The following ITPRID1 variants were observed in gnomAD, a reference collection of about 807,000 sequenced individuals.
ITPRID1 encodes ITPR interacting domain containing 1.
ITPRID1 carries 96 observed loss-of-function variants against 95.4 expected under a neutral mutation model. The observed-to-expected ratio is 1.01, with a 90% CI of 0.85 to 1.19. The LOEUF (loss-of-function observed/expected upper bound fraction) is 1.19, where lower values mean the gene tolerates loss of function less well. Ranked by LOEUF, ITPRID1 falls within the 50% of genes most tolerant of loss-of-function variation. The pLI is 0.00. For missense variants in ITPRID1, 1,339 were observed against 1,252.9 expected (o/e 1.07, Z -1.04); for synonymous variants, 510 against 453.6 (o/e 1.12, Z -1.58).
chr7:31,574,606 T>A lies in ITPRID1; in HGVS notation c.462T>A (p.Gly154=). 1 of 1,613,980 alleles carries A rather than the reference T, an allele frequency of 6.2e-7. No homozygotes were observed. The highest frequency in any genetic ancestry group is 8.5e-7 in the Non-Finnish European group (1 of 1,179,846). The change falls in exon 8 of 15, where the codon GGT becomes GGA. Residue 154 remains glycine, a synonymous_variant. Coordinates refer to ENST00000615280, the MANE Select transcript of ITPRID1 (RefSeq NM_001257967.3). ...PVEILLDLGF[G]ADEPDICMQI... ...AGATTCTCTTGGATCTGGGGTTTGG[T>A]GCTGATGAGCCAGACATCTGCATGC...
chr7:31,602,210 G>A (rs1046174174), intron 10 of ITPRID1, among the ~76,000 whole-genome samples: 1 of 152,200 alleles, frequency 6.6e-6, no homozygotes, highest in African/African-American at 2.4e-5. Flanking sequence ...ATAAGTAATT[G>A]TACTGGGGAG....
At chr7:31,567,983 G>A (rs1289954181) in intron 5 of ITPRID1, among the ~76,000 whole-genome samples, 3 of 151,882 alleles carry the variant, frequency 2.0e-5, no homozygotes, top group Non-Finnish European at 4.4e-5. Context: ...AAAACTAGAC[G>A]GACATGGTGG....
At position 31,652,523 on chromosome 7, in the gene ITPRID1, G is replaced by T; in HGVS notation, c.2829G>T (p.Leu943=). 2 of 1,594,556 alleles carry T rather than the reference G, an allele frequency of 1.3e-6. No homozygotes were observed. Among genetic ancestry groups the T allele is most frequent in the Admixed American group, 1.7e-5 (1 of 57,318 alleles). ...QQIREGILLQ[L]EVLTAEPPEH... is the part of the protein sequence containing the mutation. ...TCCTCTTGTTTTCCTTTTAGCAGCT[G>T]GAGGTTCTCACAGCAGAGCCACCTG... The change falls in exon 15 of 15, where the codon CTG becomes CTT. Residue 943 remains leucine, a synonymous_variant. Transcript: ENST00000615280.
intron 12 of ITPRID1, among the ~76,000 whole-genome samples, chr7:31,647,661 G>A (rs1790594625): frequency 9.1e-6 from 1 of 109,726 alleles, no homozygotes; most frequent in East Asian, 3.0e-4. Flanking sequence ...GCAACAGAGA[G>A]AGTCTCCGTC....
rs191972199 is a variant in ITPRID1, at chr7:31,605,207, G to A, written c.1228+22016G>A. Among the ~76,000 whole-genome samples the A allele has an allele frequency of 2.8e-3, 429 of 152,252 alleles. 1 individual carries two copies. The highest frequency in any genetic ancestry group is 9.9e-3 in the African/African-American group (411 of 41,546). On this transcript the variant is annotated intron_variant, in intron 10 of 14. Coordinates refer to ENST00000615280, the MANE Select transcript of ITPRID1 (RefSeq NM_001257967.3). ...CTGGAGAGGTGATTATGGTAGGAAG[G>A]GAGGGTGTAGCCAAGGTAGTTGATA...
chr7:31,559,281 GTTC>G (rs1784550665), intron 5 of ITPRID1, among the ~76,000 whole-genome samples: 2 of 152,128 alleles, frequency 1.3e-5, no homozygotes, highest in South Asian at 2.1e-4. Context: ...TGAGCATCAT[GTTC>G]TTCTTCTGCT....
intron 9 of ITPRID1, among the ~76,000 whole-genome samples, chr7:31,580,298 C>CAA (rs11394739): frequency 0.028 from 3,496 of 126,644 alleles, 119 homozygotes; most frequent in African/African-American, 0.079. Flanking sequence ...AACTCTGTCT[C>CAA]AAAAAAAAAA....
intron 10 of ITPRID1, among the ~76,000 whole-genome samples, chr7:31,623,082 T>C (rs909540963): frequency 6.6e-6 from 1 of 152,138 alleles, no homozygotes; most frequent in African/African-American, 2.4e-5. Flanking sequence ...AATAGGCCAA[T>C]AACAGGATCT....
chr7:31,621,476 T>C (rs1787888438), intron 10 of ITPRID1, among the ~76,000 whole-genome samples: 1 of 137,938 alleles, frequency 7.2e-6, no homozygotes, highest in Non-Finnish European at 1.5e-5. Flanking sequence ...AAAAGAATTT[T>C]CAACCCAGAA....
At chr7:31,569,106 A>C (rs762448464) in intron 5 of ITPRID1, among the ~76,000 whole-genome samples, 23 of 152,212 alleles carry the variant, frequency 1.5e-4, no homozygotes, top group Non-Finnish European at 3.1e-4. Flanking sequence ...GGTAAGAATA[A>C]ATTCCTAGAT....
chr7:31,565,796 G>A (rs991506193), intron 5 of ITPRID1, among the ~76,000 whole-genome samples: 5 of 152,074 alleles, frequency 3.3e-5, no homozygotes, highest in Non-Finnish European at 5.9e-5. Context: ...ACATCTAGGA[G>A]GGTGAGATTC....
chr7:31,561,614 C>T (rs1393715101), intron 5 of ITPRID1, among the ~76,000 whole-genome samples: 10 of 152,198 alleles, frequency 6.6e-5, no homozygotes, highest in African/African-American at 9.7e-5. Context: ...CACTGAAGCA[C>T]TTCCCAAAGG....
At chr7:31,620,667 GAA>G (rs969104023) in intron 10 of ITPRID1, among the ~76,000 whole-genome samples, 6 of 150,618 alleles carry the variant, frequency 4.0e-5, no homozygotes, top group Non-Finnish European at 5.9e-5. Context: ...GGAAAAAACA[GAA>G]CAGAAAAACT....
rs1785256375 is a variant in ITPRID1, at chr7:31,578,095, C to T, written c.831C>T (p.Phe277=). The T allele has an allele frequency of 1.9e-6, 3 of 1,613,728 alleles. No homozygotes were observed. The Middle Eastern group carries it at 4.9e-4, about 266-fold the overall frequency. The part of the protein sequence containing the change: ...RDCNPEVSES[F]KVKDEVFVPF... Reference sequence around the variant, plus strand: ...GTAACCCAGAGGTATCAGAGTCCTTCAAGGTGAAGGATGAAGTTTTTGTTC... The same window carrying T: ...GTAACCCAGAGGTATCAGAGTCCTTTAAGGTGAAGGATGAAGTTTTTGTTC... The change falls in exon 9 of 15, where the codon TTC becomes TTT. Residue 277 remains phenylalanine (F), a synonymous_variant. Transcript: ENST00000615280.
chr7:31,549,539 A>G, intron 2 of ITPRID1, 40 bp downstream of exon 2: 1 of 1,424,028 alleles, frequency 7.0e-7, no homozygotes, highest in Non-Finnish European at 9.5e-7. Context: ...ATTTTCCCAA[A>G]AACTCCATAA....
At chr7:31,514,411 G>A (rs775240690) in intron 1 of ITPRID1, among the ~76,000 whole-genome samples, 3 of 152,142 alleles carry the variant, frequency 2.0e-5, no homozygotes, top group Non-Finnish European at 2.9e-5. Flanking sequence ...AAATGCTGTT[G>A]GTGATAAAGG....
intron 10 of ITPRID1, among the ~76,000 whole-genome samples, chr7:31,588,915 C>A (rs954483026): frequency 1.6e-4 from 25 of 151,884 alleles, no homozygotes; most frequent in Non-Finnish European, 3.2e-4. Context: ...AAACAATATA[C>A]CATTCACAAT....
intron 10 of ITPRID1, among the ~76,000 whole-genome samples, chr7:31,598,445 C>G (rs1453295486): frequency 1.4e-5 from 2 of 146,278 alleles, no homozygotes; most frequent in Admixed American, 6.9e-5. Flanking sequence ...GCTCTGTCAC[C>G]CAGGCTGGAG....
chr7:31,658,303 T>C, downstream of ITPRID1: 1 of 1,519,980 alleles, frequency 6.6e-7, no homozygotes, highest in South Asian at 1.2e-5. Flanking sequence ...GGATCCCTTT[T>C]TTTTTTCTTC....
Sources: allele counts gnomAD v4.1 joint callset (sites outside exome capture counted in the v4.1 genomes callset), GRCh38; gene constraint gnomAD v4.1.1; transcripts MANE v1.5; gene names NCBI Gene and HGNC (gene_info 2026-07-23, HGNC 2026-07-21).